PLEKHB1: variants seen among roughly 807,000 people sequenced by gnomAD.
PLEKHB1 encodes the protein pleckstrin homology domain containing B1.
PLEKHB1 carries 29 observed loss-of-function variants against 36.2 expected under a neutral mutation model. The observed-to-expected ratio is 0.80, with a 90% CI of 0.60 to 1.09. The LOEUF is 1.09. Among genes scored for constraint, PLEKHB1 ranks in the 50% least tolerant of loss-of-function variants. The pLI is 0.00. For missense variants in PLEKHB1, 330 were observed against 348.2 expected, an observed-to-expected ratio of 0.95 and a Z score of 0.42; for synonymous variants, 138 against 140.0, an observed-to-expected ratio of 0.99 and a Z score of 0.10.
intron 6 of PLEKHB1, among the ~76,000 whole-genome samples, chr11:73,657,510 G>T (rs1236684605): frequency 6.6e-6 from 1 of 152,226 alleles, no homozygotes; most frequent in Admixed American, 6.5e-5. Context: ...TGGAGAGGGA[G>T]AGGCAGGTTC....
At chr11:73,647,999 A>C (rs1316908461) in intron 1 of PLEKHB1, 12 of 985,134 alleles carry the variant, frequency 1.2e-5, no homozygotes, top group Non-Finnish European at 1.4e-5. Context: ...CATCATGTAC[A>C]TGGATGAGTC....
chr11:73,656,425 G>A (rs1944995403), intron 6 of PLEKHB1, among the ~76,000 whole-genome samples: 1 of 152,232 alleles, frequency 6.6e-6, no homozygotes, highest in Non-Finnish European at 1.5e-5. Context: ...TGCTCAATTA[G>A]TGCTCGATGA....
chr11:73,648,930 G>T, intron 1 of PLEKHB1, 82 bp from the exon 2 acceptor site: 1 of 1,518,260 alleles, frequency 6.6e-7, no homozygotes, highest in Non-Finnish European at 8.8e-7. Context: ...TTCCTGGGTG[G>T]CTCCCCAGGG....
At position 73,650,609 on chromosome 11, in the gene PLEKHB1, C is replaced by T; in HGVS notation, c.151C>T (p.Leu51=). Reference sequence around the variant, plus strand: ...GTTTGCCCTGTGGCTGGACGGGACCCTGGGATACTACCACGATGAGACAGC... The same window carrying T: ...GTTTGCCCTGTGGCTGGACGGGACCTTGGGATACTACCACGATGAGACAGC... ...NWFALWLDGT[L]GYYHDETAQD... The change falls in exon 3 of 8, where the codon CTG becomes TTG. Residue 51 remains leucine, a synonymous_variant. Transcript: ENST00000354190. The T allele has an allele frequency of 6.2e-7, 1 of 1,613,324 alleles. No homozygotes were observed. The highest frequency in any genetic ancestry group is 1.1e-5 in the South Asian group (1 of 90,882).
intron 6 of PLEKHB1, chr11:73,660,433 T>A: frequency 3.1e-6 from 1 of 323,576 alleles, no homozygotes. Context: ...AGTGGCATTA[T>A]TGTAGAGCTG....
Position 73,661,353 on chromosome 11 carries a change from A to T in PLEKHB1, c.596-113A>T. 1 of 1,188,002 alleles carries T rather than the reference A, an allele frequency of 8.4e-7. No individual in the cohort carries two copies. The highest frequency in any genetic ancestry group is 1.4e-5 in the South Asian group (1 of 72,832). The allele number at this position is 1,188,002 out of a possible 1,614,324, so 73.6% of individuals were successfully genotyped here. On this transcript the variant is annotated intron_variant, in intron 7 of 7. Transcript: ENST00000354190. This position sits in a 1 kb window ranked among gnomAD's most constrained non-coding sequence, Gnocchi z 4.6. ...ATCTGTTCTTTGACTGGGGAGCAGG[A>T]GAGTGGGTTCGGCGCCTTACACTGG...
chr11:73,647,723 A>C, intron 1 of PLEKHB1: 1 of 985,604 alleles, frequency 1.0e-6, no homozygotes, highest in African/African-American at 1.7e-5. Flanking sequence ...CAACATCCGC[A>C]ACAAGTGTAG....
chr11:73,655,705 GT>G, intron 5 of PLEKHB1, 97 bp from the exon 6 acceptor site: 1 of 1,027,542 alleles, frequency 9.7e-7, no homozygotes, highest in Non-Finnish European at 1.5e-6. Flanking sequence ...GAGGGCTCTG[GT>G]AGGGTCTGGA....
chr11:73,660,712 C>A (rs1945088083), intron 6 of PLEKHB1, 41 bp from the exon 7 acceptor site: 1 of 1,546,932 alleles, frequency 6.5e-7, no homozygotes, highest in Non-Finnish European at 8.8e-7. Context: ...CAAATCCGGG[C>A]CAGGGAGTTC....
chr11:73,646,914 A>C (rs975560008), intron 1 of PLEKHB1, among the ~76,000 whole-genome samples: 1 of 151,006 alleles, frequency 6.6e-6, no homozygotes, highest in Admixed American at 6.6e-5. Flanking sequence ...CACACACCTC[A>C]CTCCTCATCT....
rs903125733 is a variant in PLEKHB1, at chr11:73,661,947, A to G, written c.*345A>G. The G allele has an allele frequency of 2.9e-5, 7 of 240,784 alleles. No individual in the cohort carries two copies. Among genetic ancestry groups the G allele is most frequent in the African/African-American group, 1.4e-4 (6 of 44,334 alleles). The allele number at this position is 240,784 out of a possible 1,614,324, so 14.9% of individuals were successfully genotyped here. A position where few individuals can be genotyped will look rare whatever the true frequency, so the allele number is the denominator to read the frequency against. On this transcript the variant is annotated 3_prime_UTR_variant, in exon 8 of 8. Transcript: ENST00000354190. The surrounding 1 kb of genome is among the most constrained non-coding windows in gnomAD (Gnocchi z 4.6). ...CCCAGGCGCTGTAGACACAACATGA[A>G]TCGGGCTCTCTGCTCTCTCCTTAGG...
chr11:73,653,067 T>A (rs1257203311), intron 5 of PLEKHB1, 53 bp downstream of exon 5: 4 of 1,544,462 alleles, frequency 2.6e-6, no homozygotes, highest in Admixed American at 1.7e-5. Flanking sequence ...TGCCATGGAA[T>A]CATGAGTGAC....
chr11:73,660,939 G>C, intron 7 of PLEKHB1, 87 bp downstream of exon 7: 1 of 1,225,512 alleles, frequency 8.2e-7, no homozygotes, highest in Non-Finnish European at 1.2e-6. Flanking sequence ...GTCCGGACCA[G>C]GCTTCATCCT....
rs747647640 is a variant in PLEKHB1, at chr11:73,660,794, G to GC, written c.543dup (p.Asn182GlnfsTer102). On this transcript the variant is annotated frameshift_variant, in exon 7 of 8. Transcript: ENST00000354190. LOFTEE classifies it high-confidence loss of function. ...CGTACCAAGACTACTACGAGGTGGT[G>GC]CCCCCCAATGCACACGAGGCCACGT... 3 of 1,602,360 alleles carry GC rather than the reference G, an allele frequency of 1.9e-6. No individual in the cohort carries two copies. The highest frequency in any genetic ancestry group is 1.1e-5 in the South Asian group (1 of 88,190).
At chr11:73,653,123 T>A in intron 5 of PLEKHB1, 109 bp downstream of exon 5, 2 of 1,176,328 alleles carry the variant, frequency 1.7e-6, no homozygotes, top group South Asian at 3.0e-5. Context: ...CTTATGTGGA[T>A]AGGTTTCTGC....
intron 1 of PLEKHB1, among the ~76,000 whole-genome samples, chr11:73,647,198 C>T (rs997213163): frequency 6.6e-6 from 1 of 152,194 alleles, no homozygotes; most frequent in Non-Finnish European, 1.5e-5. Context: ...GGGAAGCCTT[C>T]CTGAACCCCT....
At chr11:73,655,417 C>G (rs957990670) in intron 5 of PLEKHB1, among the ~76,000 whole-genome samples, 1 of 152,136 alleles carries the variant, frequency 6.6e-6, no homozygotes, top group African/African-American at 2.4e-5. Flanking sequence ...GCCCCTAACA[C>G]CAGCTTTACT....
chr11:73,646,626 G>C lies in PLEKHB1; in HGVS notation c.18G>C (p.Pro6=), dbSNP rs1323821131. The C allele has an allele frequency of 6.4e-7, 1 of 1,551,512 alleles. No homozygotes were observed. The highest frequency in any genetic ancestry group is 1.2e-5 in the South Asian group (1 of 84,064). The change falls in exon 1 of 8, where the codon CCG becomes CCC. Residue 6 remains proline (P), a splice_region_variant and synonymous_variant. Coordinates refer to ENST00000354190, the MANE Select transcript of PLEKHB1 (RefSeq NM_021200.3). MSPAA[P]VPPDSALESP... is the part of the protein sequence containing the mutation. ...CAGGAACCATGAGCCCTGCAGCCCC[G>C]GTAAGGAAGAGTTCTCTGGGACAGG...
chr11:73,649,154 G>T, intron 2 of PLEKHB1, 67 bp downstream of exon 2: 2 of 1,530,928 alleles, frequency 1.3e-6, no homozygotes, highest in Non-Finnish European at 1.8e-6. Flanking sequence ...CTTGCCACGG[G>T]GAACACTTCT....
Sources: allele counts gnomAD v4.1 joint callset (sites outside exome capture counted in the v4.1 genomes callset), GRCh38; gene constraint gnomAD v4.1.1; non-coding constraint Gnocchi (gnomAD v3.1); transcripts MANE v1.5; gene names NCBI Gene and HGNC (gene_info 2026-07-23, HGNC 2026-07-21).